SMAD3: variants seen among roughly 807,000 people sequenced by gnomAD.
SMAD3 encodes SMAD family member 3.
In SMAD3, 12 loss-of-function variants were observed where a neutral mutation model predicts 51.8. That is an observed-to-expected ratio of 0.23 (90% CI 0.15 to 0.38). The LOEUF (loss-of-function observed/expected upper bound fraction) is 0.38, where lower values mean the gene tolerates loss of function less well. SMAD3 is among the 10% of genes least tolerant of loss of function. The probability of loss-of-function intolerance (pLI) is 1.00; values close to 1 mark genes in which losing one functional copy is unlikely to be tolerated. For missense variants in SMAD3, 294 were observed against 565.6 expected (o/e 0.52, Z 4.87); for synonymous variants, 238 against 227.7 (o/e 1.05, Z -0.41).
At chr15:67,148,666 A>G (rs1407612204) in intron 1 of SMAD3, among the ~76,000 whole-genome samples, 1 of 152,178 alleles carries the variant, frequency 6.6e-6, no homozygotes, top group East Asian at 1.9e-4. Context: ...CATTTCTGGT[A>G]TTGGGCCCAT....
intron 2 of SMAD3, 62 bp downstream of exon 2, chr15:67,165,150 T>A (rs1244234421): frequency 5.7e-6 from 9 of 1,588,802 alleles, no homozygotes; most frequent in Non-Finnish European, 7.8e-6. Context: ...TCTCCCCGGC[T>A]CCCCATCCCC....
At chr15:67,183,042 T>A (rs1437470359) in intron 6 of SMAD3, among the ~76,000 whole-genome samples, 27 of 121,170 alleles carry the variant, frequency 2.2e-4, no homozygotes, top group African/African-American at 5.6e-4. Flanking sequence ...TTTTTTTTTT[T>A]TTTTTTTTTG....
At chr15:67,149,112 A>T (rs1962056256) in intron 1 of SMAD3, among the ~76,000 whole-genome samples, 1 of 152,192 alleles carries the variant, frequency 6.6e-6, no homozygotes. Context: ...AGAGCCACAG[A>T]GTGGGTTACT....
rs1466086791 is a variant in SMAD3 at position 67,191,576 on chromosome 15, G to A, written c.*1040G>A. 5 of 233,102 alleles carry A rather than the reference G, an allele frequency of 2.1e-5. No individual in the cohort carries two copies. Among genetic ancestry groups the A allele is most frequent in the Non-Finnish European group, 2.5e-5 (3 of 117,982 alleles). The allele number at this position is 233,102 out of a possible 1,614,324, so 14.4% of individuals were successfully genotyped here. ...AATCCTGGGCTGGCACATTGACTGG[G>A]AAACCTGAGTGAGACCCAGCAACTG... On this transcript the variant is annotated 3_prime_UTR_variant, in exon 9 of 9. Transcript: ENST00000327367.
At chr15:67,186,776 C>T (rs1045591449) in intron 7 of SMAD3, 14 of 292,904 alleles carry the variant, frequency 4.8e-5, no homozygotes, top group Non-Finnish European at 8.1e-5. Context: ...CTCTCCTTAC[C>T]TCCTAGCCCC....
chr15:67,133,499 C>T (rs967019817), intron 1 of SMAD3, among the ~76,000 whole-genome samples: 1 of 151,920 alleles, frequency 6.6e-6, no homozygotes, highest in Non-Finnish European at 1.5e-5. Context: ...ATGATCCTAT[C>T]GCCAGAAAAA....
chr15:67,184,178 G>A (rs923063363), intron 6 of SMAD3, among the ~76,000 whole-genome samples: 7 of 150,012 alleles, frequency 4.7e-5, no homozygotes, highest in South Asian at 2.1e-4. Context: ...GGGAGCTCAC[G>A]GCAGTCTTGA....
chr15:67,164,849 C>G, intron 1 of SMAD3, 46 bp from the exon 2 acceptor site: 1 of 1,595,648 alleles, frequency 6.3e-7, no homozygotes, highest in Admixed American at 1.7e-5. Flanking sequence ...AGAAAGCAAG[C>G]ACAATCCACA....
At chr15:67,170,794 G>C in intron 5 of SMAD3, 190 bp downstream of exon 5, 2 of 583,610 alleles carry the variant, frequency 3.4e-6, no homozygotes, top group Non-Finnish European at 6.1e-6. Flanking sequence ...GAGAACAGTG[G>C]TGGCAGGAAA....
intron 4 of SMAD3, among the ~76,000 whole-genome samples, chr15:67,168,653 C>T (rs1003961766): frequency 6.6e-6 from 1 of 152,218 alleles, no homozygotes; most frequent in South Asian, 2.1e-4. Flanking sequence ...GTTTCTTCTC[C>T]CTCCTCTTCC....
At chr15:67,085,006 T>G (rs1213327132) in intron 1 of SMAD3, among the ~76,000 whole-genome samples, 1 of 152,184 alleles carries the variant, frequency 6.6e-6, no homozygotes, top group Non-Finnish European at 1.5e-5. Context: ...TTCATGAACC[T>G]CAGACAGCCG....
chr15:67,108,060 C>T (rs1484357349), intron 1 of SMAD3, among the ~76,000 whole-genome samples: 2 of 150,382 alleles, frequency 1.3e-5, no homozygotes, highest in South Asian at 2.1e-4. Context: ...AGAACCCTTC[C>T]GTCCAGTGGT....
intron 1 of SMAD3, among the ~76,000 whole-genome samples, chr15:67,069,144 G>C (rs754505101): frequency 6.6e-6 from 1 of 152,180 alleles, no homozygotes; most frequent in Non-Finnish European, 1.5e-5. Context: ...CCAGACCACA[G>C]GCTTGCTTCT....
intron 1 of SMAD3, among the ~76,000 whole-genome samples, chr15:67,131,812 G>A (rs1458392185): frequency 2.0e-5 from 3 of 152,116 alleles, no homozygotes; most frequent in Non-Finnish European, 4.4e-5. Context: ...TTGGGGGCAG[G>A]GCAGCCAGTC....
chr15:67,109,250 T>C (rs10851772), intron 1 of SMAD3, among the ~76,000 whole-genome samples: 148,448 of 152,332 alleles, frequency 0.97, 72,438 homozygotes, highest in East Asian at 1. Context: ...ATGCTTTTTG[T>C]GTGGAATGCT....
At chr15:67,143,811 G>A (rs1482769406) in intron 1 of SMAD3, among the ~76,000 whole-genome samples, 1 of 150,180 alleles carries the variant, frequency 6.7e-6, no homozygotes, top group African/African-American at 2.5e-5. Flanking sequence ...GTGTGATCTC[G>A]GCTCCTGCCG....
rs80130203 is a variant in SMAD3, at chr15:67,121,031, T to C, written c.207-43864T>C. Among the ~76,000 whole-genome samples, 1,275 of 152,262 alleles carry C rather than the reference T, an allele frequency of 8.4e-3. 16 individuals are homozygous for C. Among genetic ancestry groups the C allele is most frequent in the African/African-American group, 0.029 (1,207 of 41,510 alleles). On this transcript the variant is annotated intron_variant, in intron 1 of 8. Coordinates refer to ENST00000327367, the MANE Select transcript of SMAD3 (RefSeq NM_005902.4). ...GGACCTTGAATCCCCATCTCATATG[T>C]TGGGACTTTGTCTTGCATGTTTTCA... is the stretch of plus-strand genomic sequence containing the variant.
At chr15:67,159,707 A>G (rs77083176) in intron 1 of SMAD3, among the ~76,000 whole-genome samples, 2 of 152,194 alleles carry the variant, frequency 1.3e-5, no homozygotes, top group African/African-American at 4.8e-5. Context: ...GCAATGACTG[A>G]TCCCTGCTTT....
chr15:67,069,956 G>A (rs1960015312), intron 1 of SMAD3, among the ~76,000 whole-genome samples: 1 of 152,080 alleles, frequency 6.6e-6, no homozygotes, highest in Non-Finnish European at 1.5e-5. Context: ...TGCCCGCCTT[G>A]GCCTGCCAAA....
Sources: allele counts gnomAD v4.1 joint callset (sites outside exome capture counted in the v4.1 genomes callset), GRCh38; gene constraint gnomAD v4.1.1; transcripts MANE v1.5; gene names NCBI Gene and HGNC (gene_info 2026-07-23, HGNC 2026-07-21).